STOX1: variants seen among roughly 807,000 people sequenced by gnomAD.
STOX1 encodes the protein storkhead-box protein 1.
STOX1 carries 57 observed loss-of-function variants against 74.8 expected under a neutral mutation model. That is an observed-to-expected ratio of 0.76 (90% confidence interval 0.62 to 0.95). STOX1 has a LOEUF of 0.95. Ranked by LOEUF, STOX1 falls within the 40% of genes least tolerant of loss-of-function variation. The pLI is 0.00. For missense variants in STOX1, 1,010 were observed against 1,117.0 expected (o/e 0.90, Z 1.37); for synonymous variants, 375 against 401.3 (o/e 0.93, Z 0.78).
chr10:68,864,292 C>A (rs1227568327), intron 1 of STOX1, among the ~76,000 whole-genome samples: 1 of 152,202 alleles, frequency 6.6e-6, no homozygotes, highest in African/African-American at 2.4e-5. Context: ...GAATAAGAGG[C>A]TTTACCATTA....
intron 1 of STOX1, among the ~76,000 whole-genome samples, chr10:68,838,257 G>A (rs1589215854): frequency 1.3e-5 from 2 of 152,036 alleles, no homozygotes; most frequent in Admixed American, 1.3e-4. Context: ...AGTAGTGATG[G>A]TGTTTCACTG....
At chr10:68,843,381 C>T (rs1839744523) in intron 1 of STOX1, among the ~76,000 whole-genome samples, 1 of 152,184 alleles carries the variant, frequency 6.6e-6, no homozygotes, top group African/African-American at 2.4e-5. Flanking sequence ...ATCAACAGGT[C>T]TGTGGACATG....
intron 1 of STOX1, among the ~76,000 whole-genome samples, chr10:68,871,980 T>G (rs1406792375): frequency 6.6e-6 from 1 of 152,248 alleles, no homozygotes; most frequent in Non-Finnish European, 1.5e-5. Flanking sequence ...CGAAAGCTTC[T>G]TGGATTACTT....
At chr10:68,846,628 C>A (rs1278707888) in intron 1 of STOX1, among the ~76,000 whole-genome samples, 2 of 152,144 alleles carry the variant, frequency 1.3e-5, no homozygotes, top group African/African-American at 4.8e-5. Flanking sequence ...ATGCTTTCTC[C>A]AATACTACAG....
At chr10:68,894,301 C>T (rs1841154687), downstream of STOX1, among the ~76,000 whole-genome samples, 2 of 152,002 alleles carry the variant, frequency 1.3e-5, no homozygotes, top group African/African-American at 2.4e-5. Flanking sequence ...CCTCGTGATT[C>T]GCCTGCCTCG....
chr10:68,846,614 C>G (rs542418484), intron 1 of STOX1, among the ~76,000 whole-genome samples: 9 of 152,204 alleles, frequency 5.9e-5, no homozygotes, highest in African/African-American at 2.2e-4. Flanking sequence ...TGATCGATAC[C>G]CCTATGCTTT....
Position 68,881,983 on chromosome 10 carries a change from T to C in STOX1, c.336T>C (p.Asn112=). ...GTGATGTCTTTCCAGTGCAAATGAATCCAATAACTCAATCTCAGTTCGTAC... is the reference window on the plus strand; with the variant it reads ...GTGATGTCTTTCCAGTGCAAATGAACCCAATAACTCAATCTCAGTTCGTAC... ...AVGDVFPVQM[N]PITQSQFVPL... The change falls in exon 2 of 4, where the codon AAT becomes AAC. Residue 112 remains asparagine (N), a synonymous_variant. Coordinates refer to ENST00000298596, the MANE Select transcript of STOX1 (RefSeq NM_152709.5). The C allele has an allele frequency of 1.2e-6, 2 of 1,613,786 alleles. No individual in the cohort carries two copies. Among genetic ancestry groups the C allele is most frequent in the Non-Finnish European group, 1.7e-6 (2 of 1,179,870 alleles).
At position 68,892,902 on chromosome 10, in the gene STOX1, T is replaced by G; in HGVS notation, c.*166T>G. On this transcript the variant is annotated 3_prime_UTR_variant, in exon 4 of 4. Transcript: ENST00000298596. ...TCTAATTACTGGCTTTTTTTCCTCT[T>G]TTGGTGTCTTAAGGCTTTTTGAAGC... The G allele has an allele frequency of 2.7e-6, 2 of 744,810 alleles. No individual in the cohort carries two copies. Among genetic ancestry groups the G allele is most frequent in the Non-Finnish European group, 4.3e-6 (2 of 469,006 alleles). 46.1% of individuals were successfully genotyped at this position (744,810 alleles called of 1,614,324 possible).
At chr10:68,869,914 A>G (rs1840495607) in intron 1 of STOX1, among the ~76,000 whole-genome samples, 1 of 152,062 alleles carries the variant, frequency 6.6e-6, no homozygotes, top group Admixed American at 6.6e-5. Flanking sequence ...TTCCCTGTGT[A>G]TGGGCAAGGG....
rs1841131355 is a variant in STOX1 at position 68,892,893 on chromosome 10, T to C, written c.*157T>C. The stretch of plus-strand genomic sequence containing the variant: ...ACATTTTGTTCTAATTACTGGCTTT[T>C]TTTCCTCTTTTGGTGTCTTAAGGCT... On this transcript the variant is annotated 3_prime_UTR_variant, in exon 4 of 4. Coordinates refer to ENST00000298596, the MANE Select transcript of STOX1 (RefSeq NM_152709.5). 2 of 823,650 alleles carry C rather than the reference T, an allele frequency of 2.4e-6. No individual in the cohort carries two copies. The highest frequency in any genetic ancestry group is 6.0e-5 in the Admixed American group (2 of 33,550). The allele number at this position is 823,650 out of a possible 1,614,324, so 51.0% of individuals were successfully genotyped here. A position where few individuals can be genotyped will look rare whatever the true frequency, so the allele number is the denominator to read the frequency against.
chr10:68,857,196 A>G (rs899653195), intron 1 of STOX1, among the ~76,000 whole-genome samples: 4 of 152,122 alleles, frequency 2.6e-5, no homozygotes, highest in Non-Finnish European at 5.9e-5. Context: ...TCCCTACCCC[A>G]GGGCTTACCC....
chr10:68,846,352 G>T (rs1369987742), intron 1 of STOX1, among the ~76,000 whole-genome samples: 1 of 150,414 alleles, frequency 6.6e-6, no homozygotes, highest in Non-Finnish European at 1.5e-5. Context: ...ATTTCACCAT[G>T]TTGGCCAGGC....
intron 3 of STOX1, among the ~76,000 whole-genome samples, chr10:68,887,974 G>A (rs565961601): frequency 2.0e-4 from 30 of 150,458 alleles, no homozygotes; most frequent in African/African-American, 6.8e-4. Flanking sequence ...GAACACTTAA[G>A]TACTGAAAAG....
At chr10:68,856,646 G>A (rs1247165772) in intron 1 of STOX1, among the ~76,000 whole-genome samples, 1 of 152,070 alleles carries the variant, frequency 6.6e-6, no homozygotes, top group Non-Finnish European at 1.5e-5. Flanking sequence ...GAACAGAAAA[G>A]TGTCTCCAAG....
At chr10:68,843,213 G>A (rs1839740107) in intron 1 of STOX1, among the ~76,000 whole-genome samples, 1 of 151,728 alleles carries the variant, frequency 6.6e-6, no homozygotes, top group Non-Finnish European at 1.5e-5. Flanking sequence ...ACTTTTTTTT[G>A]TAGTGATGGG....
At chr10:68,836,959 A>G (rs1442936640) in intron 1 of STOX1, among the ~76,000 whole-genome samples, 1 of 152,172 alleles carries the variant, frequency 6.6e-6, no homozygotes, top group Non-Finnish European at 1.5e-5. Flanking sequence ...CCCTTCACCA[A>G]GCAACTGAAG....
chr10:68,869,009 C>G (rs1840472571), intron 1 of STOX1, among the ~76,000 whole-genome samples: 1 of 152,222 alleles, frequency 6.6e-6, no homozygotes, highest in South Asian at 2.1e-4. Flanking sequence ...CCAGGTCTAC[C>G]TGACCAACTC....
intron 1 of STOX1, among the ~76,000 whole-genome samples, chr10:68,872,337 CTTTTCTTTTTTTT>C (rs201811444): frequency 0.1 from 12,768 of 124,592 alleles, 695 homozygotes; most frequent in Admixed American, 0.19. Context: ...TTTTCTTTTT[CTTTTCTTTTTTTT>C]TTTTTTTTTT....
At chr10:68,845,483 C>T (rs917468804) in intron 1 of STOX1, among the ~76,000 whole-genome samples, 14 of 151,634 alleles carry the variant, frequency 9.2e-5, no homozygotes, top group Admixed American at 7.2e-4. Flanking sequence ...ACCATGTTAG[C>T]CAGGATGGTC....
Sources: allele counts gnomAD v4.1 joint callset (sites outside exome capture counted in the v4.1 genomes callset), GRCh38; gene constraint gnomAD v4.1.1; transcripts MANE v1.5; gene names NCBI Gene and HGNC (gene_info 2026-07-23, HGNC 2026-07-21).